ST3GAL1: variants seen among roughly 807,000 people sequenced by gnomAD.
ST3GAL1 encodes ST3 beta-galactoside alpha-2,3-sialyltransferase 1.
A neutral mutation model predicts 34.1 loss-of-function variants in ST3GAL1; 16 were observed. The observed-to-expected ratio is 0.47, with a 90% CI of 0.32 to 0.71. ST3GAL1 has a LOEUF of 0.71. Among genes scored for constraint, ST3GAL1 ranks in the 30% least tolerant of loss-of-function variants. The probability of loss-of-function intolerance (pLI) is 0.04; values close to 1 mark genes in which losing one functional copy is unlikely to be tolerated. For missense variants in ST3GAL1, 353 were observed against 447.4 expected (o/e 0.79, Z 1.90); for synonymous variants, 191 against 184.7 (o/e 1.03, Z -0.28).
At chr8:133,493,454 G>A (rs1313188179) in intron 3 of ST3GAL1, among the ~76,000 whole-genome samples, 1 of 152,180 alleles carries the variant, frequency 6.6e-6, no homozygotes, top group Non-Finnish European at 1.5e-5. Context: ...GGGGTGGGTG[G>A]AGGGTGCACA....
At chr8:133,542,573 G>C (rs1393755430) in intron 2 of ST3GAL1, among the ~76,000 whole-genome samples, 1 of 152,114 alleles carries the variant, frequency 6.6e-6, no homozygotes, top group East Asian at 1.9e-4. Context: ...TCAAGAGCTG[G>C]AGACCAGCCT....
chr8:133,465,719 T>G, intron 6 of ST3GAL1, 175 bp downstream of exon 6: 1 of 622,290 alleles, frequency 1.6e-6, no homozygotes, highest in South Asian at 2.2e-5. Flanking sequence ...CCTGCAATGA[T>G]GCAGAGATGG....
Position 133,459,959 on chromosome 8 carries a change from G to A in ST3GAL1, c.850-22C>T, listed in dbSNP as rs1395620375. On this transcript the variant is annotated intron_variant, in intron 9 of 9. Transcript: ENST00000522652. The surrounding 1 kb of genome is among the most constrained non-coding windows in gnomAD (Gnocchi z 4.7). ...CCACCTGTGGGAGCAAAGCAAAGAT[G>A]AGAACCAGACAGCAGGGCTGCTGGT... 6.2e-7 allele frequency: 1 copy of A among 1,600,806 alleles called. No homozygotes were observed.
At chr8:133,464,725 G>A (rs1815661600) in intron 7 of ST3GAL1, 53 bp downstream of exon 7, 2 of 1,554,898 alleles carry the variant, frequency 1.3e-6, no homozygotes, top group African/African-American at 1.4e-5. Flanking sequence ...TGGGGGGACA[G>A]GGTGCCACTG....
rs372644972 is a variant in ST3GAL1 at position 133,459,762 on chromosome 8, C to T, written c.*2G>A. 1.4e-3 allele frequency: 2,226 copies of T among 1,607,990 alleles called. 50 individuals are homozygous for T. In the South Asian group the frequency reaches 0.023, roughly 17 times the overall value. The stretch of plus-strand genomic sequence containing the variant: ...TGCGTCCATCCTCAGCCCTTCACTG[C>T]GTCATCTCCCCTTGAAGATCCGGAT... On this transcript the variant is annotated 3_prime_UTR_variant, in exon 10 of 10. Transcript: ENST00000522652. The surrounding 1 kb of genome is among the most constrained non-coding windows in gnomAD (Gnocchi z 4.7).
intron 3 of ST3GAL1, among the ~76,000 whole-genome samples, chr8:133,498,598 C>T (rs1448154121): frequency 6.6e-6 from 1 of 152,206 alleles, no homozygotes; most frequent in African/African-American, 2.4e-5. Context: ...CCACAGACTT[C>T]CTTTGGCTTT....
rs141473617 is a variant in ST3GAL1 at position 133,547,548 on chromosome 8, A to C, written c.-581-1622T>G. Among the ~76,000 whole-genome samples, 18 of 152,310 alleles carry C rather than the reference A, an allele frequency of 1.2e-4. No homozygotes were observed. The East Asian group carries it at 3.5e-3, about 29-fold the overall frequency. On this transcript the variant is annotated intron_variant, in intron 1 of 9. Transcript: ENST00000522652. Reference sequence around the variant, plus strand: ...GAAATCATTCTGCTGCCACATTAGCAAGCCTGAGGTAGCCCCCTGGAGGAT... The same window carrying C: ...GAAATCATTCTGCTGCCACATTAGCCAGCCTGAGGTAGCCCCCTGGAGGAT...
intron 5 of ST3GAL1, 125 bp downstream of exon 5, chr8:133,475,594 G>T (rs1044243812): frequency 6.0e-6 from 7 of 1,168,626 alleles, no homozygotes; most frequent in Non-Finnish European, 7.0e-6. Flanking sequence ...CCTACCCTCA[G>T]CCCAGACTCC....
In ST3GAL1 at chr8:133,558,171, C is replaced by T. The variant is rs182140428; in HGVS notation, c.-581-12245G>A. The stretch of plus-strand genomic sequence containing the variant: ...GAGGTCAAAACACCACTGTGTGGGG[C>T]ACAGAGCTCCCTACCACAGGTAGTG... On this transcript the variant is annotated intron_variant, in intron 1 of 9. Transcript: ENST00000522652. 1.8e-3 allele frequency among the ~76,000 whole-genome samples: 277 copies of T among 152,332 alleles called. 1 individual carries two copies. The highest frequency in any genetic ancestry group is 6.2e-3 in the African/African-American group (259 of 41,570).
In ST3GAL1 at chr8:133,562,829, CCTTCCTTCCTTCCTTT is replaced by C. The variant is rs1239753178; in HGVS notation, c.-582+8848_-582+8863del. On this transcript the variant is annotated intron_variant, in intron 1 of 9. Transcript: ENST00000522652. ...TCCTTCCTTCCTTCCTTCCTTCCTT[CCTTCCTTCCTTCCTTT>C]CTTTCTTTTTTTTTTTTTTTTTCCC... is the stretch of plus-strand genomic sequence containing the variant. Among the ~76,000 whole-genome samples, 137 of 97,686 alleles carry C rather than the reference CCTTCCTTCCTTCCTTT, an allele frequency of 1.4e-3. 3 individuals are homozygous for C. The highest frequency in any genetic ancestry group is 4.6e-3 in the Middle Eastern group (1 of 218). 64.1% of individuals were successfully genotyped at this position (97,686 alleles called of 152,430 possible).
intron 2 of ST3GAL1, among the ~76,000 whole-genome samples, chr8:133,521,633 T>G (rs1345506194): frequency 1.3e-5 from 2 of 152,262 alleles, no homozygotes; most frequent in East Asian, 1.9e-4. Flanking sequence ...TGTAGAGAGC[T>G]CCTCCTGCAT....
chr8:133,508,010 C>A lies in ST3GAL1; in HGVS notation c.-428-8821G>T, dbSNP rs1047281692. ...CTGCCTCCCCTGGGAGGTGCCCACC[C>A]TCTCACCCCCCACACCCTAGGCAGC... is the stretch of plus-strand genomic sequence containing the variant. On this transcript the variant is annotated intron_variant, in intron 2 of 9. Transcript: ENST00000522652. This position sits in a 1 kb window ranked among gnomAD's most constrained non-coding sequence, Gnocchi z 4.1. Among the ~76,000 whole-genome samples, 1 of 152,174 alleles carries A rather than the reference C, an allele frequency of 6.6e-6. No individual in the cohort carries two copies. Among genetic ancestry groups the A allele is most frequent in the Non-Finnish European group, 1.5e-5 (1 of 68,038 alleles).
At chr8:133,543,353 C>T (rs1276076300) in intron 2 of ST3GAL1, among the ~76,000 whole-genome samples, 1 of 151,996 alleles carries the variant, frequency 6.6e-6, no homozygotes, top group Non-Finnish European at 1.5e-5. Flanking sequence ...TTAGCAGGGG[C>T]AAGTGATGAA....
At chr8:133,553,655 G>A (rs991408812) in intron 1 of ST3GAL1, among the ~76,000 whole-genome samples, 1 of 152,186 alleles carries the variant, frequency 6.6e-6, no homozygotes, top group African/African-American at 2.4e-5. Flanking sequence ...TGCCTGGTAT[G>A]CTTGTTGAGA....
intron 2 of ST3GAL1, among the ~76,000 whole-genome samples, chr8:133,506,420 C>A (rs1817338774): frequency 6.6e-6 from 1 of 152,186 alleles, no homozygotes; most frequent in Non-Finnish European, 1.5e-5. Flanking sequence ...AAATAAATGG[C>A]AGATCTCCTT....
At chr8:133,527,636 C>T (rs2978015) in intron 2 of ST3GAL1, among the ~76,000 whole-genome samples, 47,628 of 152,008 alleles carry the variant, frequency 0.31, 7,936 homozygotes, top group Middle Eastern at 0.42. Context: ...ACATCATGTG[C>T]GTGCAACCAA....
chr8:133,471,723 T>TG (rs1225030693), intron 5 of ST3GAL1, among the ~76,000 whole-genome samples: 1 of 151,778 alleles, frequency 6.6e-6, no homozygotes, highest in Non-Finnish European at 1.5e-5. Flanking sequence ...CTCCTGGTGG[T>TG]GGGGGTGGTA....
rs543897030 is a variant in ST3GAL1, at chr8:133,539,123, A to G, written c.-429+6651T>C. 4.6e-5 allele frequency among the ~76,000 whole-genome samples: 7 copies of G among 152,282 alleles called. No individual in the cohort carries two copies. In the South Asian group the frequency reaches 1.5e-3, roughly 32 times the overall value. Reference sequence around the variant, plus strand: ...CTCCTGAGCTCAGCTGATTCCTGAGAATGCAGTCCCTGATGTGGGATCACA... The same window carrying G: ...CTCCTGAGCTCAGCTGATTCCTGAGGATGCAGTCCCTGATGTGGGATCACA... On this transcript the variant is annotated intron_variant, in intron 2 of 9. Transcript: ENST00000522652.
intron 3 of ST3GAL1, among the ~76,000 whole-genome samples, chr8:133,477,025 C>T (rs899696283): frequency 6.6e-6 from 1 of 152,200 alleles, no homozygotes; most frequent in Non-Finnish European, 1.5e-5. Flanking sequence ...GAGAGTGGCC[C>T]AGGGTTCCTT....
Sources: allele counts gnomAD v4.1 joint callset (sites outside exome capture counted in the v4.1 genomes callset), GRCh38; gene constraint gnomAD v4.1.1; non-coding constraint Gnocchi (gnomAD v3.1); transcripts MANE v1.5; gene names NCBI Gene and HGNC (gene_info 2026-07-23, HGNC 2026-07-21).